IMMP2L: variants seen among roughly 807,000 people sequenced by gnomAD.
IMMP2L encodes the protein mitochondrial inner membrane protease subunit 2.
IMMP2L carries 18 observed loss-of-function variants against 19.3 expected under a neutral mutation model. That is an observed-to-expected ratio of 0.93 (90% CI 0.64 to 1.38). The LOEUF (loss-of-function observed/expected upper bound fraction) is 1.38. Ranked by LOEUF, IMMP2L falls within the 40% of genes most tolerant of loss-of-function variation. The pLI is 0.00. For synonymous variants in IMMP2L, 76 were observed against 73.0 expected, an observed-to-expected ratio of 1.04 and a Z score of -0.21; for missense variants, 233 against 218.2, an observed-to-expected ratio of 1.07 and a Z score of -0.43.
At chr7:111,461,291 A>G (rs1018790437) in intron 3 of IMMP2L, among the ~76,000 whole-genome samples, 1 of 152,098 alleles carries the variant, frequency 6.6e-6, no homozygotes, top group African/African-American at 2.4e-5. Context: ...AAAATAATAC[A>G]GATTGGGGAA....
At position 110,877,573 on chromosome 7, in the gene IMMP2L, G is replaced by C. The variant is rs538555913; in HGVS notation, c.408+9020C>G. Among the ~76,000 whole-genome samples, 92 of 152,240 alleles carry C rather than the reference G, an allele frequency of 6.0e-4. No homozygotes were observed. Among genetic ancestry groups the C allele is most frequent in the Middle Eastern group, 6.8e-3 (2 of 294 alleles). On this transcript the variant is annotated intron_variant, in intron 5 of 5. Transcript: ENST00000405709. This position sits in a 1 kb window ranked among gnomAD's most constrained non-coding sequence, Gnocchi z 4.0. ...GATCAAGGCATAGGCAGGTAAGACG[G>C]ATCTGGAAAATTTGGCGGGAGACAG...
chr7:111,253,526 C>A (rs895145420), intron 3 of IMMP2L, among the ~76,000 whole-genome samples: 1 of 152,086 alleles, frequency 6.6e-6, no homozygotes, highest in African/African-American at 2.4e-5. Flanking sequence ...TTCTATTTGG[C>A]TGTGAAGACT....
At chr7:110,991,687 C>A (rs1822473613) in intron 3 of IMMP2L, among the ~76,000 whole-genome samples, 3 of 152,156 alleles carry the variant, frequency 2.0e-5, no homozygotes, top group African/African-American at 7.2e-5. Context: ...ATATACAGCT[C>A]TCACAACCAT....
chr7:111,385,785 G>A (rs1242698243), intron 3 of IMMP2L, among the ~76,000 whole-genome samples: 1 of 152,018 alleles, frequency 6.6e-6, no homozygotes, highest in Non-Finnish European at 1.5e-5. Flanking sequence ...TTCATCTAAG[G>A]CATAATTTAT....
At chr7:111,547,936 G>A (rs1266612439) in intron 1 of IMMP2L, among the ~76,000 whole-genome samples, 4 of 151,918 alleles carry the variant, frequency 2.6e-5, no homozygotes, top group African/African-American at 9.7e-5. Context: ...TGTTCACACT[G>A]GTCTCAAACT....
chr7:111,458,341 T>C (rs1327055943), intron 3 of IMMP2L, among the ~76,000 whole-genome samples: 3 of 151,914 alleles, frequency 2.0e-5, no homozygotes, highest in Non-Finnish European at 4.4e-5. Flanking sequence ...ATCATGCCAC[T>C]GCACTCCAGC....
chr7:111,296,760 A>G (rs528681775), intron 3 of IMMP2L, among the ~76,000 whole-genome samples: 1 of 152,162 alleles, frequency 6.6e-6, no homozygotes, highest in South Asian at 2.1e-4. Context: ...TTTTTTTGTA[A>G]TAATCAAAAG....
At chr7:111,183,180 T>A (rs374065678) in intron 3 of IMMP2L, among the ~76,000 whole-genome samples, 1 of 152,094 alleles carries the variant, frequency 6.6e-6, no homozygotes, top group Non-Finnish European at 1.5e-5. Context: ...ATATTTCAAA[T>A]AAGTAAGTAA....
intron 3 of IMMP2L, among the ~76,000 whole-genome samples, chr7:110,982,477 C>T (rs1297508672): frequency 5.9e-5 from 9 of 152,078 alleles, no homozygotes; most frequent in Non-Finnish European, 1.3e-4. Flanking sequence ...CCTTTGTTGG[C>T]AGTCTCTGTA....
At chr7:111,129,449 T>G (rs534131567) in intron 3 of IMMP2L, among the ~76,000 whole-genome samples, 99 of 151,136 alleles carry the variant, frequency 6.6e-4, no homozygotes, top group African/African-American at 2.2e-3. Context: ...CCATTATATA[T>G]TACTATATTT....
chr7:111,277,787 T>C (rs749609364), intron 3 of IMMP2L, among the ~76,000 whole-genome samples: 10 of 152,266 alleles, frequency 6.6e-5, no homozygotes, highest in Middle Eastern at 3.4e-3. Context: ...GTAATTTGTG[T>C]GTTTATTGCA....
At chr7:110,817,547 T>G (rs1411516221) in intron 5 of IMMP2L, among the ~76,000 whole-genome samples, 6 of 152,036 alleles carry the variant, frequency 3.9e-5, no homozygotes, top group Admixed American at 2.0e-4. Flanking sequence ...CCAAGGTAAT[T>G]TATAGATTCC....
intron 4 of IMMP2L, among the ~76,000 whole-genome samples, chr7:110,961,219 C>CA (rs1818898612): frequency 6.6e-6 from 1 of 151,806 alleles, no homozygotes. Context: ...TTCATTCCCA[C>CA]AAATATAGAT....
At chr7:111,131,616 TAGAC>T (rs1053646428) in intron 3 of IMMP2L, among the ~76,000 whole-genome samples, 47 of 152,060 alleles carry the variant, frequency 3.1e-4, no homozygotes, top group African/African-American at 1.1e-3. Context: ...GGCATGCTGA[TAGAC>T]AGGCCTGCAC....
intron 3 of IMMP2L, among the ~76,000 whole-genome samples, chr7:111,059,512 C>T (rs1793819074): frequency 6.6e-6 from 1 of 152,158 alleles, no homozygotes; most frequent in South Asian, 2.1e-4. Flanking sequence ...TTAATTATTA[C>T]AGACCTATCT....
chr7:111,303,881 GAAC>G (rs1239867975), intron 3 of IMMP2L, among the ~76,000 whole-genome samples: 1 of 151,824 alleles, frequency 6.6e-6, no homozygotes, highest in African/African-American at 2.4e-5. Context: ...AGAGTTGAGG[GAAC>G]AACTACTAAA....
At chr7:110,775,227 G>A (rs55990051) in intron 5 of IMMP2L, among the ~76,000 whole-genome samples, 2,284 of 145,578 alleles carry the variant, frequency 0.016, 17 homozygotes, top group Non-Finnish European at 0.023. Flanking sequence ...AATATTTTAC[G>A]AGTGCATAAT....
chr7:111,271,968 C>T (rs891381448), intron 3 of IMMP2L, among the ~76,000 whole-genome samples: 1 of 152,160 alleles, frequency 6.6e-6, no homozygotes, highest in Non-Finnish European at 1.5e-5. Context: ...AGAGTCATCT[C>T]ATGCTTGGAC....
chr7:110,740,296 G>C (rs1796912099), intron 5 of IMMP2L, among the ~76,000 whole-genome samples: 1 of 152,204 alleles, frequency 6.6e-6, no homozygotes, highest in East Asian at 1.9e-4. Context: ...CTGGTTCTTT[G>C]AAATGATAAA....
Sources: allele counts gnomAD v4.1 joint callset (sites outside exome capture counted in the v4.1 genomes callset), GRCh38; gene constraint gnomAD v4.1.1; non-coding constraint Gnocchi (gnomAD v3.1); transcripts MANE v1.5; gene names NCBI Gene and HGNC (gene_info 2026-07-23, HGNC 2026-07-21).